The following UNC5C variants were observed in gnomAD, a reference collection of about 807,000 sequenced individuals.
UNC5C encodes the protein netrin receptor UNC5C.
UNC5C carries 47 observed loss-of-function variants against 99.8 expected under a neutral mutation model. The ratio of observed to expected loss-of-function variants is 0.47; its 90% CI spans 0.37 to 0.60. The LOEUF is 0.60. Ranked by LOEUF, UNC5C falls within the 20% of genes least tolerant of loss-of-function variation. UNC5C has a pLI of 0.00. For missense variants in UNC5C, 1,062 were observed against 1,165.9 expected, an observed-to-expected ratio of 0.91 and a Z score of 1.30; for synonymous variants, 487 against 452.2, an observed-to-expected ratio of 1.08 and a Z score of -0.98.
chr4:95,358,031 A>T (rs1744269379), intron 1 of UNC5C, among the ~76,000 whole-genome samples: 1 of 152,130 alleles, frequency 6.6e-6, no homozygotes, highest in Non-Finnish European at 1.5e-5. Context: ...TAAACCAATT[A>T]TGTGCCAACT....
chr4:95,460,531 A>G (rs1429687295), intron 1 of UNC5C, among the ~76,000 whole-genome samples: 1 of 152,012 alleles, frequency 6.6e-6, no homozygotes, highest in Non-Finnish European at 1.5e-5. Context: ...GTCCCACGAG[A>G]TCTGACGGTT....
intron 3 of UNC5C, among the ~76,000 whole-genome samples, chr4:95,295,907 G>A (rs1301924106): frequency 1.3e-5 from 2 of 152,062 alleles, no homozygotes; most frequent in Non-Finnish European, 2.9e-5. Flanking sequence ...CAACATGGAG[G>A]GACCCCTATT....
intron 2 of UNC5C, among the ~76,000 whole-genome samples, chr4:95,335,026 G>T (rs1384869): frequency 0.16 from 23,836 of 151,858 alleles, 2,080 homozygotes; most frequent in Admixed American, 0.2. Context: ...ATGTAAACAC[G>T]TTCAATTTAT....
At chr4:95,225,080 G>C (rs1032087826) in intron 7 of UNC5C, among the ~76,000 whole-genome samples, 5 of 152,114 alleles carry the variant, frequency 3.3e-5, no homozygotes, top group African/African-American at 1.2e-4. Flanking sequence ...GCCAGGATGA[G>C]GAGTCTTGCT....
At chr4:95,255,549 C>A (rs543101774) in intron 4 of UNC5C, among the ~76,000 whole-genome samples, 56 of 152,304 alleles carry the variant, frequency 3.7e-4, no homozygotes, top group Admixed American at 2.1e-3. Flanking sequence ...GGCTCTCCCA[C>A]TATCTGTGTC....
chr4:95,416,889 C>T (rs561260962), intron 1 of UNC5C, among the ~76,000 whole-genome samples: 11 of 152,250 alleles, frequency 7.2e-5, no homozygotes, highest in African/African-American at 2.6e-4. Flanking sequence ...CAAAGATTTA[C>T]TGAATGCATA....
At chr4:95,445,384 C>T (rs1747070504) in intron 1 of UNC5C, among the ~76,000 whole-genome samples, 1 of 151,326 alleles carries the variant, frequency 6.6e-6, no homozygotes, top group African/African-American at 2.4e-5. Context: ...GGGAATGCAG[C>T]TGAATGCAGT....
At chr4:95,422,827 A>T (rs755355303) in intron 1 of UNC5C, among the ~76,000 whole-genome samples, 6 of 152,220 alleles carry the variant, frequency 3.9e-5, no homozygotes, top group Non-Finnish European at 8.8e-5. Flanking sequence ...GTATTTGCAC[A>T]CACATGTGTG....
chr4:95,329,290 C>T (rs1004485185), intron 2 of UNC5C, among the ~76,000 whole-genome samples: 2 of 152,054 alleles, frequency 1.3e-5, no homozygotes, highest in Admixed American at 1.3e-4. Flanking sequence ...ACACTGTTTC[C>T]AGAAAAATAA....
At chr4:95,171,389 C>T (rs1168967200) in intron 14 of UNC5C, among the ~76,000 whole-genome samples, 1 of 141,694 alleles carries the variant, frequency 7.1e-6, no homozygotes, top group Non-Finnish European at 1.5e-5. Flanking sequence ...CCCCCTCCCA[C>T]CTCCCCCTAC....
intron 7 of UNC5C, among the ~76,000 whole-genome samples, chr4:95,221,390 G>A (rs1029039853): frequency 1.3e-5 from 2 of 152,140 alleles, no homozygotes. Context: ...CTCCTAAAAT[G>A]TGAGGAACCA....
intron 1 of UNC5C, among the ~76,000 whole-genome samples, chr4:95,419,540 C>T (rs1746260558): frequency 6.6e-6 from 1 of 152,182 alleles, no homozygotes; most frequent in African/African-American, 2.4e-5. Flanking sequence ...TGCTATGGCT[C>T]TCAGCAGTCA....
At chr4:95,391,425 A>G (rs1185296034) in intron 1 of UNC5C, among the ~76,000 whole-genome samples, 2 of 152,164 alleles carry the variant, frequency 1.3e-5, no homozygotes, top group African/African-American at 4.8e-5. Flanking sequence ...ACTAATCTAA[A>G]TCATTTTTCA....
intron 1 of UNC5C, among the ~76,000 whole-genome samples, chr4:95,421,619 T>TACACACACACACACACACACAC (rs3069166): frequency 4.5e-4 from 68 of 149,646 alleles, no homozygotes; most frequent in South Asian, 1.1e-3. Flanking sequence ...CACTCTCTTT[T>TACACACACACACACACACACAC]ACACACACAC....
chr4:95,485,995 G>A (rs1029139153), intron 1 of UNC5C, among the ~76,000 whole-genome samples: 14 of 151,334 alleles, frequency 9.3e-5, no homozygotes, highest in Non-Finnish European at 1.3e-4. Flanking sequence ...AATTTATGTT[G>A]GAAATGAACC....
At chr4:95,340,505 T>C (rs1743526769) in intron 1 of UNC5C, among the ~76,000 whole-genome samples, 1 of 152,114 alleles carries the variant, frequency 6.6e-6, no homozygotes, top group Non-Finnish European at 1.5e-5. Flanking sequence ...ATTTTTAATA[T>C]TTTGATTAAA....
rs1439661241 is a variant in UNC5C, at chr4:95,168,259, A to AAGGT, written c.*971_*974dup. 2.0e-5 allele frequency: 3 copies of AAGGT among 152,326 alleles called. No homozygotes were observed. The East Asian group carries it at 5.8e-4, about 29-fold the overall frequency. 9.4% of individuals were successfully genotyped at this position (152,326 alleles called of 1,614,324 possible). On this transcript the variant is annotated 3_prime_UTR_variant, in exon 16 of 16. Coordinates refer to ENST00000453304, the MANE Select transcript of UNC5C (RefSeq NM_003728.4). The stretch of plus-strand genomic sequence containing the variant: ...CACCTTTCTGGGGTGGAATAAGGGA[A>AAGGT]AGGTAAAAGGTCAAGGAAGTGATGC...
intron 1 of UNC5C, among the ~76,000 whole-genome samples, chr4:95,494,347 G>T (rs748707910): frequency 3.3e-5 from 5 of 151,480 alleles, no homozygotes; most frequent in Non-Finnish European, 7.4e-5. Flanking sequence ...ATGGCAACTT[G>T]TTATTCATTC....
At chr4:95,390,192 C>T (rs1048526476) in intron 1 of UNC5C, among the ~76,000 whole-genome samples, 1 of 152,154 alleles carries the variant, frequency 6.6e-6, no homozygotes, top group Non-Finnish European at 1.5e-5. Context: ...GGGTGTCTAA[C>T]TCATTCCATG....
Sources: allele counts gnomAD v4.1 joint callset (sites outside exome capture counted in the v4.1 genomes callset), GRCh38; gene constraint gnomAD v4.1.1; transcripts MANE v1.5; gene names NCBI Gene and HGNC (gene_info 2026-07-23, HGNC 2026-07-21).